Variants in ANAPC10 observed in about 807,000 individuals in gnomAD.
ANAPC10 encodes the protein anaphase promoting complex subunit 10, also known as anaphase-promoting complex subunit 10.
A neutral mutation model predicts 22.0 loss-of-function variants in ANAPC10; 12 were observed. The observed-to-expected ratio is 0.55, with a 90% CI of 0.35 to 0.88. The LOEUF (loss-of-function observed/expected upper bound fraction) is 0.88. Among genes scored for constraint, ANAPC10 ranks in the 40% least tolerant of loss-of-function variants. The probability of loss-of-function intolerance (pLI) is 0.01; values close to 1 mark genes in which losing one functional copy is unlikely to be tolerated. For synonymous variants in ANAPC10, 65 were observed against 69.5 expected (o/e 0.94, Z 0.32); for missense variants, 188 against 220.9 (o/e 0.85, Z 0.94).
intron 4 of ANAPC10, among the ~76,000 whole-genome samples, chr4:145,017,454 A>G (rs1235537141): frequency 6.6e-6 from 1 of 152,196 alleles, no homozygotes; most frequent in Admixed American, 6.5e-5. Context: ...GGCGATCATT[A>G]AAAAGTCAGG....
At chr4:145,051,875 C>G (rs1741151944) in intron 4 of ANAPC10, among the ~76,000 whole-genome samples, 1 of 152,140 alleles carries the variant, frequency 6.6e-6, no homozygotes, top group Admixed American at 6.5e-5. Context: ...AGGACACTAT[C>G]TATTAAATAA....
At chr4:145,064,755 T>G in intron 3 of ANAPC10, 63 bp from the exon 4 acceptor site, 1 of 1,305,896 alleles carries the variant, frequency 7.7e-7, no homozygotes, top group Non-Finnish European at 1.0e-6. Flanking sequence ...CAATGCATCT[T>G]ATCTTCTGAT....
At chr4:145,003,268 T>TA (rs1732855845) in intron 4 of ANAPC10, among the ~76,000 whole-genome samples, 1 of 152,212 alleles carries the variant, frequency 6.6e-6, no homozygotes, top group Admixed American at 6.5e-5. Flanking sequence ...TATGTACATT[T>TA]AAAAAATCTA....
chr4:145,039,274 T>C (rs1739130825), intron 4 of ANAPC10, among the ~76,000 whole-genome samples: 3 of 152,252 alleles, frequency 2.0e-5, no homozygotes, highest in Admixed American at 2.0e-4. Flanking sequence ...CGATTCTTAC[T>C]GCAAGGTTAT....
At chr4:145,055,476 T>G (rs1335396779) in intron 4 of ANAPC10, among the ~76,000 whole-genome samples, 1 of 152,044 alleles carries the variant, frequency 6.6e-6, no homozygotes, top group Non-Finnish European at 1.5e-5. Flanking sequence ...GAGAATCACT[T>G]GAACCCAGGA....
intron 4 of ANAPC10, among the ~76,000 whole-genome samples, chr4:145,034,661 T>A (rs1308117205): frequency 6.6e-6 from 1 of 151,302 alleles, no homozygotes; most frequent in African/African-American, 2.4e-5. Context: ...AAAAATTATA[T>A]GTATATAATC....
At chr4:145,034,522 T>TA (rs1738156373) in intron 4 of ANAPC10, among the ~76,000 whole-genome samples, 3 of 95,882 alleles carry the variant, frequency 3.1e-5, no homozygotes, top group African/African-American at 9.7e-5. Context: ...CAAACTCTCC[T>TA]TTATATATAT....
intron 4 of ANAPC10, among the ~76,000 whole-genome samples, chr4:145,009,639 A>T (rs555517104): frequency 6.6e-6 from 1 of 152,292 alleles, no homozygotes; most frequent in African/African-American, 2.4e-5. Context: ...CTGAAACTGG[A>T]TCCCTTCCTT....
chr4:145,020,078 C>T (rs1357922685), intron 4 of ANAPC10, among the ~76,000 whole-genome samples: 2 of 152,148 alleles, frequency 1.3e-5, no homozygotes, highest in African/African-American at 4.8e-5. Flanking sequence ...CTCCCTAATT[C>T]ATTCTATGAA....
chr4:145,022,065 A>T (rs1736036147), intron 4 of ANAPC10, among the ~76,000 whole-genome samples: 1 of 152,318 alleles, frequency 6.6e-6, no homozygotes, highest in Non-Finnish European at 1.5e-5. Flanking sequence ...GCTGGAATGT[A>T]AACTAGTACA....
intron 4 of ANAPC10, among the ~76,000 whole-genome samples, chr4:145,006,269 C>T (rs1223043249): frequency 1.3e-5 from 2 of 151,952 alleles, no homozygotes; most frequent in African/African-American, 4.8e-5. Flanking sequence ...ATTATAGCAA[C>T]CCAGACTTTT....
rs535937071 is a variant in ANAPC10, at chr4:144,997,904, A to G, written c.328-2301T>C. On this transcript the variant is annotated intron_variant, in intron 4 of 4. Coordinates refer to ENST00000507656, the MANE Select transcript of ANAPC10 (RefSeq NM_001256706.2). ...GAGGAAGATCTACCAAGCAAATGGA[A>G]AACAAAAAAAACCAGGGGTTGCAAT... 5.9e-5 allele frequency among the ~76,000 whole-genome samples: 9 copies of G among 152,310 alleles called. No individual in the cohort carries two copies. The East Asian group carries it at 1.7e-3, about 29-fold the overall frequency.
chr4:145,001,479 T>C (rs1023578709), intron 4 of ANAPC10, among the ~76,000 whole-genome samples: 1 of 152,166 alleles, frequency 6.6e-6, no homozygotes, highest in Non-Finnish European at 1.5e-5. Flanking sequence ...TGAAATTTAT[T>C]GTTTACATGG....
intron 4 of ANAPC10, among the ~76,000 whole-genome samples, chr4:145,008,968 G>A (rs1302221355): frequency 6.6e-6 from 1 of 152,102 alleles, no homozygotes; most frequent in Non-Finnish European, 1.5e-5. Flanking sequence ...ATCTCCTTAA[G>A]CTGATAAGCA....
At chr4:145,004,954 G>GAT (rs1733123860) in intron 4 of ANAPC10, among the ~76,000 whole-genome samples, 1 of 152,092 alleles carries the variant, frequency 6.6e-6, no homozygotes. Context: ...TTTGGCTATG[G>GAT]ATATGTGTGG....
intron 4 of ANAPC10, among the ~76,000 whole-genome samples, chr4:145,002,177 T>C (rs1329045739): frequency 1.3e-5 from 2 of 152,176 alleles, no homozygotes; most frequent in South Asian, 4.1e-4. Context: ...TTAACCATCC[T>C]TTCACTTAGA....
Position 144,995,106 on chromosome 4 carries a change from G to A in ANAPC10, c.*267C>T, listed in dbSNP as rs1731423040. On this transcript the variant is annotated 3_prime_UTR_variant, in exon 5 of 5. Coordinates refer to ENST00000507656, the MANE Select transcript of ANAPC10 (RefSeq NM_001256706.2). ...TTCAACTCTTTTCTTTTGATACAAGGAACTCTTTTCTTTTGATACAAGGGA... is the reference window on the plus strand; with the variant it reads ...TTCAACTCTTTTCTTTTGATACAAGAAACTCTTTTCTTTTGATACAAGGGA... 8.4e-6 allele frequency: 2 copies of A among 237,728 alleles called. No homozygotes were observed. The highest frequency in any genetic ancestry group is 1.6e-5 in the Non-Finnish European group (2 of 123,280). The allele number at this position is 237,728 out of a possible 1,614,324, so 14.7% of individuals were successfully genotyped here. A position where few individuals can be genotyped will look rare whatever the true frequency, so the allele number is the denominator to read the frequency against.
chr4:145,085,467 GT>G, intron 2 of ANAPC10, among the ~76,000 whole-genome samples: 1 of 150,582 alleles, frequency 6.6e-6, no homozygotes, highest in Non-Finnish European at 1.5e-5. Context: ...CCTCAGCTAG[GT>G]TTTTTTTCTC....
intron 4 of ANAPC10, among the ~76,000 whole-genome samples, chr4:145,011,132 G>A (rs1309866516): frequency 5.3e-5 from 8 of 151,892 alleles, no homozygotes. Context: ...AGGAGTTCGA[G>A]ACCAACCTGG....
Sources: allele counts gnomAD v4.1 joint callset (sites outside exome capture counted in the v4.1 genomes callset), GRCh38; gene constraint gnomAD v4.1.1; transcripts MANE v1.5; gene names NCBI Gene and HGNC (gene_info 2026-07-23, HGNC 2026-07-21).